The following FYB2 variants were observed in gnomAD, a reference collection of about 807,000 sequenced individuals.
FYB2 encodes the protein FYN binding protein 2, also known as FYN-binding protein 2.
A neutral mutation model predicts 94.1 loss-of-function variants in FYB2; 103 were observed. The ratio of observed to expected loss-of-function variants is 1.09; its 90% CI spans 0.93 to 1.29. The LOEUF (loss-of-function observed/expected upper bound fraction) is 1.29. FYB2 is among the 50% of genes most tolerant of loss of function. The pLI, the probability that FYB2 is intolerant of heterozygous loss-of-function variation, is 0.00. For synonymous variants in FYB2, 293 were observed against 287.9 expected (o/e 1.02, Z -0.18); for missense variants, 896 against 841.5 (o/e 1.06, Z -0.80).
intron 4 of FYB2, among the ~76,000 whole-genome samples, chr1:56,778,067 A>G (rs1460077177): frequency 6.6e-6 from 1 of 152,032 alleles, no homozygotes; most frequent in African/African-American, 2.4e-5. Flanking sequence ...TCACTCTCCA[A>G]TCACACTGGC....
chr1:56,758,744 T>G lies in FYB2; in HGVS notation c.1070A>C (p.Tyr357Ser). Residue 357 changes from tyrosine to serine, a missense_variant, in exon 6 of 20, where the codon TAT becomes TCT. Tyr to Ser is a moderately radical substitution (Grantham distance 144). Coordinates refer to ENST00000343433, the MANE Select transcript of FYB2 (RefSeq NM_001004303.5). ...TTGGAGTTCTTCAATTCCAACTTCATAAGTTGCTAAAGTAAACATAAAAAA... is the reference window on the plus strand; with the variant it reads ...TTGGAGTTCTTCAATTCCAACTTCAGAAGTTGCTAAAGTAAACATAAAAAA... ...CTAKEIADPT[Y>S]EVGIEELQKP... 1 of 1,598,008 alleles carries G rather than the reference T, an allele frequency of 6.3e-7. No individual in the cohort carries two copies. Among genetic ancestry groups the G allele is most frequent in the Non-Finnish European group, 8.5e-7 (1 of 1,171,736 alleles).
At chr1:56,723,204 GAC>G (rs57903838) in intron 17 of FYB2, among the ~76,000 whole-genome samples, 18,458 of 149,146 alleles carry the variant, frequency 0.12, 1,346 homozygotes, top group African/African-American at 0.22. Context: ...AAGATTCACA[GAC>G]ACACACACAC....
chr1:56,721,936 C>T (rs747376602), intron 17 of FYB2, among the ~76,000 whole-genome samples: 4 of 151,970 alleles, frequency 2.6e-5, no homozygotes, highest in Non-Finnish European at 5.9e-5. Context: ...AGCTATACAA[C>T]GTTTTATGAT....
intron 1 of FYB2, among the ~76,000 whole-genome samples, chr1:56,805,999 C>T (rs563091431): frequency 6.6e-6 from 1 of 152,302 alleles, no homozygotes; most frequent in South Asian, 2.1e-4. Flanking sequence ...AAAATCAACT[C>T]TATGCTATAC....
intron 2 of FYB2, among the ~76,000 whole-genome samples, chr1:56,789,730 A>T (rs531631627): frequency 6.6e-6 from 1 of 152,132 alleles, no homozygotes; most frequent in Admixed American, 6.5e-5. Flanking sequence ...GCACTGGTCT[A>T]TGTTCCCATT....
At chr1:56,776,302 G>A (rs1311432904) in intron 4 of FYB2, among the ~76,000 whole-genome samples, 1 of 152,056 alleles carries the variant, frequency 6.6e-6, no homozygotes, top group Non-Finnish European at 1.5e-5. Context: ...AAATGTTATG[G>A]GGAAGTTCTT....
chr1:56,769,433 T>C (rs857091), intron 4 of FYB2, among the ~76,000 whole-genome samples: 49,765 of 151,792 alleles, frequency 0.33, 8,810 homozygotes, highest in African/African-American at 0.45. Flanking sequence ...ATAGGGAGGA[T>C]AGAATGAGAA....
intron 5 of FYB2, among the ~76,000 whole-genome samples, chr1:56,763,953 ATT>A (rs753365184): frequency 9.9e-4 from 133 of 133,784 alleles, no homozygotes; most frequent in African/African-American, 2.8e-3. Flanking sequence ...TATTATGTCT[ATT>A]TTTTTTTTTT....
At chr1:56,803,285 G>A (rs1181707244) in intron 1 of FYB2, among the ~76,000 whole-genome samples, 2 of 152,166 alleles carry the variant, frequency 1.3e-5, no homozygotes, top group African/African-American at 4.8e-5. Flanking sequence ...ATTGTCTCAT[G>A]TTGGTTCAGG....
At chr1:56,761,275 T>TA (rs1379820359) in intron 5 of FYB2, among the ~76,000 whole-genome samples, 1 of 152,224 alleles carries the variant, frequency 6.6e-6, no homozygotes, top group Non-Finnish European at 1.5e-5. Context: ...TAGCAGGCAC[T>TA]ATGCCAAGCA....
chr1:56,746,431 T>C (rs1163642817), intron 9 of FYB2, among the ~76,000 whole-genome samples: 1 of 152,006 alleles, frequency 6.6e-6, no homozygotes, highest in Non-Finnish European at 1.5e-5. Context: ...CATTCTGTTT[T>C]CTTTTCTATT....
intron 1 of FYB2, among the ~76,000 whole-genome samples, chr1:56,800,177 A>G (rs535804737): frequency 1.3e-5 from 2 of 152,314 alleles, no homozygotes; most frequent in Non-Finnish European, 2.9e-5. Flanking sequence ...AGCAGAAGCC[A>G]ACAAATTACG....
chr1:56,744,097 G>A (rs1391502927), intron 10 of FYB2, 31 bp from the exon 11 acceptor site: 6 of 1,612,406 alleles, frequency 3.7e-6, no homozygotes, highest in Non-Finnish European at 5.1e-6. Flanking sequence ...GACCATTATT[G>A]TACCTTTAAA....
chr1:56,744,737 C>T (rs1449203878), intron 9 of FYB2, among the ~76,000 whole-genome samples: 1 of 151,970 alleles, frequency 6.6e-6, no homozygotes, highest in Non-Finnish European at 1.5e-5. Context: ...TTCATTAATT[C>T]ATTCTGGAGT....
chr1:56,792,572 A>G lies in FYB2; in HGVS notation c.241T>C (p.Leu81=). The part of the protein sequence containing the change: ...SQPLQPQKIK[L]AQKSEIPKCS... ...TTTGGAATTTCACTCTTCTGAGCCAACTTTATTTTCTGAGGTTGAAGAGGC... is the reference window on the plus strand; with the variant it reads ...TTTGGAATTTCACTCTTCTGAGCCAGCTTTATTTTCTGAGGTTGAAGAGGC... Residue 81 remains leucine (L), a synonymous_variant, in exon 2 of 20, where the codon TTG becomes CTG. Transcript: ENST00000343433. 2 of 1,614,126 alleles carry G rather than the reference A, an allele frequency of 1.2e-6. No individual in the cohort carries two copies. The highest frequency in any genetic ancestry group is 1.7e-6 in the Non-Finnish European group (2 of 1,179,990).
Position 56,762,486 on chromosome 1 carries a change from C to A in FYB2, c.1064-3736G>T, listed in dbSNP as rs149963088. On this transcript the variant is annotated intron_variant, in intron 5 of 19. Transcript: ENST00000343433. ...ATATAAACACATATCTATTTTTAAGCAATTATAAATGATATATTTTTCAAT... is the reference window on the plus strand; with the variant it reads ...ATATAAACACATATCTATTTTTAAGAAATTATAAATGATATATTTTTCAAT... 1.1e-4 allele frequency among the ~76,000 whole-genome samples: 17 copies of A among 152,140 alleles called. No individual in the cohort carries two copies. The East Asian group carries it at 3.3e-3, about 29-fold the overall frequency.
chr1:56,728,203 AC>A (rs1281194425), intron 15 of FYB2, among the ~76,000 whole-genome samples: 1 of 151,372 alleles, frequency 6.6e-6, no homozygotes, highest in African/African-American at 2.4e-5. Context: ...TCCCCCTCTT[AC>A]CCCTCCCTTT....
At chr1:56,745,897 A>G (rs1012265499) in intron 9 of FYB2, among the ~76,000 whole-genome samples, 1 of 151,896 alleles carries the variant, frequency 6.6e-6, no homozygotes, top group Non-Finnish European at 1.5e-5. Flanking sequence ...CTCCTCCAAC[A>G]TATCTGGCCA....
intron 5 of FYB2, 108 bp downstream of exon 5, chr1:56,767,721 G>C: frequency 1.2e-6 from 1 of 801,942 alleles, no homozygotes; most frequent in South Asian, 1.6e-5. Flanking sequence ...TGGTTGTGCA[G>C]GATGGCTGTG....
Sources: allele counts gnomAD v4.1 joint callset (sites outside exome capture counted in the v4.1 genomes callset), GRCh38; gene constraint gnomAD v4.1.1; transcripts MANE v1.5; gene names NCBI Gene and HGNC (gene_info 2026-07-23, HGNC 2026-07-21).